Variants in CCNB3 observed in about 807,000 individuals in gnomAD.
CCNB3 encodes the protein cyclin B3.
CCNB3 carries 12 observed loss-of-function variants against 68.0 expected under a neutral mutation model. That is an observed-to-expected ratio of 0.18 (90% CI 0.11 to 0.29). The LOEUF (loss-of-function observed/expected upper bound fraction) is 0.29. Among genes scored for constraint, CCNB3 ranks in the 10% least tolerant of loss-of-function variants. CCNB3 has a pLI of 1.00. For missense variants in CCNB3, 904 were observed against 993.1 expected (o/e 0.91, Z 1.21); for synonymous variants, 354 against 388.9 (o/e 0.91, Z 1.06).
At chrX:50,226,729 TATGA>T (rs1256609302) in intron 1 of CCNB3, among the ~76,000 whole-genome samples, 3 of 79,739 alleles carry the variant, frequency 3.8e-5, no homozygotes, top group African/African-American at 1.5e-4. Flanking sequence ...AGAATATACA[TATGA>T]ATATGTACAT....
chrX:50,226,486 T>C (rs1935810014), intron 1 of CCNB3, among the ~76,000 whole-genome samples: 4 of 64,741 alleles, frequency 6.2e-5, no homozygotes, highest in Admixed American at 2.3e-4. Context: ...TAAATATATA[T>C]AGAATATATA....
intron 1 of CCNB3, among the ~76,000 whole-genome samples, chrX:50,284,319 C>T (rs762585500): frequency 8.1e-5 from 9 of 111,185 alleles, no homozygotes; most frequent in Non-Finnish European, 1.7e-4. Context: ...ACTATGTAAA[C>T]GGTGTTTCAC....
At chrX:50,320,543 AT>A (rs1921961560) in intron 8 of CCNB3, among the ~76,000 whole-genome samples, 2 of 108,994 alleles carry the variant, frequency 1.8e-5, no homozygotes, top group African/African-American at 6.6e-5. Flanking sequence ...GGTTTCATCC[AT>A]TTTTCTTTAT....
At chrX:50,206,806 T>A (rs1557205585) in intron 1 of CCNB3, among the ~76,000 whole-genome samples, 2 of 109,828 alleles carry the variant, frequency 1.8e-5, no homozygotes, top group Admixed American at 1.9e-4. Context: ...TAGTCCCAGT[T>A]ACTCCGGAGG....
At chrX:50,226,171 A>G in intron 1 of CCNB3, among the ~76,000 whole-genome samples, 1 of 61,861 alleles carries the variant, frequency 1.6e-5, no homozygotes, top group South Asian at 9.4e-4. Flanking sequence ...TATATCGAAT[A>G]TACATATATA....
intron 5 of CCNB3, among the ~76,000 whole-genome samples, chrX:50,304,004 T>C (rs1406093116): frequency 8.9e-6 from 1 of 111,963 alleles, no homozygotes; most frequent in East Asian, 2.8e-4. Flanking sequence ...TTAATTTTTA[T>C]TGGTGGTGTG....
At chrX:50,335,554 G>A (rs1187166623) in intron 8 of CCNB3, among the ~76,000 whole-genome samples, 5 of 111,578 alleles carry the variant, frequency 4.5e-5, no homozygotes, top group Admixed American at 9.5e-5. Context: ...TCCTTCGAGA[G>A]CTTCTCTGGG....
Position 50,310,715 on chromosome X carries a change from G to A in CCNB3, c.2546G>A (p.Ser849Asn). 1 of 1,208,615 alleles carries A rather than the reference G, an allele frequency of 8.3e-7. No individual in the cohort carries two copies. The highest frequency in any genetic ancestry group is 1.1e-6 in the Non-Finnish European group (1 of 894,464). Residue 849 changes from serine (S) to asparagine (N), a missense_variant, in exon 6 of 13, where the codon AGT (serine) becomes AAT (asparagine). Transcript: ENST00000376042. ...TEKEAVLKEP[S>N]VDTEAHFKET... Reference sequence around the variant, plus strand: ...AAGGAGGCTGTCCTCAAGGAGCCCAGTGTTGACACAGAAGCTCACTTTAAG... The same window carrying A: ...AAGGAGGCTGTCCTCAAGGAGCCCAATGTTGACACAGAAGCTCACTTTAAG...
rs782485626 is a variant in CCNB3, at chrX:50,342,150, G to A, written c.3517-52G>A. On this transcript the variant is annotated intron_variant, in intron 8 of 12. Transcript: ENST00000376042. The stretch of plus-strand genomic sequence containing the variant: ...CAGGTAGCTAGATCTGTCTGGAGGC[G>A]ACTTTGGAGCTGGACAATATGCAGA... The A allele has an allele frequency of 8.1e-5, 97 of 1,202,788 alleles. No individual in the cohort carries two copies. The South Asian group carries it at 9.9e-4, about 12-fold the overall frequency.
At chrX:50,228,693 T>TAGAATATATATAGAATATATATAA (rs1183006889) in intron 1 of CCNB3, among the ~76,000 whole-genome samples, 1 of 80,172 alleles carries the variant, frequency 1.2e-5, no homozygotes, top group Non-Finnish European at 2.2e-5. Flanking sequence ...AATATATACA[T>TAGAATATATATAGAATATATATAA]AGAATATATA....
chrX:50,279,542 CAT>C (rs1417796521), intron 1 of CCNB3, among the ~76,000 whole-genome samples: 29 of 78,031 alleles, frequency 3.7e-4, no homozygotes, highest in Non-Finnish European at 5.3e-4. Context: ...AATATATATT[CAT>C]ATATATAAAT....
In CCNB3 at chrX:50,286,613, G is replaced by T. The variant is rs115006674; in HGVS notation, c.96+1354G>T. On this transcript the variant is annotated intron_variant, in intron 3 of 12. Transcript: ENST00000376042. Reference sequence around the variant, plus strand: ...GCCACAGTGCCTGGCCCTCAGTTCGGTTTTTTTTTTTTTTTTTTGGTTGTT... The same window carrying T: ...GCCACAGTGCCTGGCCCTCAGTTCGTTTTTTTTTTTTTTTTTTTGGTTGTT... Among the ~76,000 whole-genome samples, 78 of 75,324 alleles carry T rather than the reference G, an allele frequency of 1.0e-3. 1 individual carries two copies. Among genetic ancestry groups the T allele is most frequent in the African/African-American group, 3.4e-3 (64 of 19,072 alleles). 65.4% of individuals were successfully genotyped at this position (75,324 alleles called of 115,157 possible). A position where few individuals can be genotyped will look rare whatever the true frequency, so the allele number is the denominator to read the frequency against.
chrX:50,325,428 G>T (rs1922242749), intron 8 of CCNB3, among the ~76,000 whole-genome samples: 1 of 112,015 alleles, frequency 8.9e-6, no homozygotes, highest in African/African-American at 3.2e-5. Flanking sequence ...TCACACCAAG[G>T]TTGCCAATCT....
chrX:50,218,745 T>C (rs971793774), intron 1 of CCNB3, among the ~76,000 whole-genome samples: 14 of 112,263 alleles, frequency 1.2e-4, no homozygotes, highest in African/African-American at 4.5e-4. Context: ...TAAACATACA[T>C]GTGCATGTGT....
At chrX:50,281,536 C>A (rs1451791865) in intron 1 of CCNB3, among the ~76,000 whole-genome samples, 1 of 111,178 alleles carries the variant, frequency 9.0e-6, no homozygotes, top group Non-Finnish European at 1.9e-5. Context: ...TTGCTGAATT[C>A]TGTTGCTGGG....
chrX:50,223,904 G>A, intron 1 of CCNB3, among the ~76,000 whole-genome samples: 1 of 112,062 alleles, frequency 8.9e-6, no homozygotes, highest in East Asian at 2.8e-4. Context: ...CCAGGGAGAT[G>A]GGAGTTTTAT....
intron 1 of CCNB3, among the ~76,000 whole-genome samples, chrX:50,211,791 G>A (rs1236670678): frequency 8.9e-6 from 1 of 111,954 alleles, no homozygotes; most frequent in Non-Finnish European, 1.9e-5. Context: ...TCTTGAGAAG[G>A]CATTCATCCA....
At chrX:50,317,092 TTGG>T in intron 8 of CCNB3, among the ~76,000 whole-genome samples, 1 of 112,623 alleles carries the variant, frequency 8.9e-6, no homozygotes, top group Middle Eastern at 4.7e-3. Context: ...TTGTCAGCAC[TTGG>T]TTTTGTTAGT....
intron 8 of CCNB3, 74 bp downstream of exon 8, chrX:50,314,022 G>A: frequency 1.3e-6 from 1 of 742,425 alleles, no homozygotes. Flanking sequence ...CAAAAACATG[G>A]TAAAAATGTA....
Sources: gnomAD v4.1 joint callset for allele counts (sites outside exome capture counted in the v4.1 genomes callset) on GRCh38, gnomAD v4.1.1 for gene constraint, MANE v1.5 for transcripts, NCBI Gene and HGNC (gene_info 2026-07-23, HGNC 2026-07-21) for gene names.